Variants in CUX2 observed in about 807,000 individuals in gnomAD.
CUX2 encodes the protein homeobox protein cut-like 2.
CUX2 carries 40 observed loss-of-function variants against 144.8 expected under a neutral mutation model. The observed-to-expected ratio is 0.28, with a 90% confidence interval of 0.21 to 0.36. The LOEUF (loss-of-function observed/expected upper bound fraction) is 0.36, where lower values mean the gene tolerates loss of function less well. Among genes scored for constraint, CUX2 ranks in the 10% least tolerant of loss-of-function variants. The pLI, the probability that CUX2 is intolerant of heterozygous loss-of-function variation, is 1.00. For missense variants in CUX2, 1,615 were observed against 1,994.0 expected, an observed-to-expected ratio of 0.81 and a Z score of 3.62; for synonymous variants, 827 against 875.6, an observed-to-expected ratio of 0.94 and a Z score of 0.98.
chr12:111,267,825 C>T (rs1257786790), intron 4 of CUX2, among the ~76,000 whole-genome samples: 1 of 152,192 alleles, frequency 6.6e-6, no homozygotes, highest in African/African-American at 2.4e-5. Flanking sequence ...TCTCTCTCTC[C>T]TTTTAAAAAA....
chr12:111,306,861 C>A (rs931918135), intron 10 of CUX2, 60 bp from the exon 11 acceptor site: 3 of 1,429,796 alleles, frequency 2.1e-6, no homozygotes, highest in Non-Finnish European at 2.9e-6. Flanking sequence ...GGTGGGGAGG[C>A]CAGACCTGTG....
chr12:111,206,243 C>A (rs2136215767), intron 1 of CUX2, among the ~76,000 whole-genome samples: 1 of 152,266 alleles, frequency 6.6e-6, no homozygotes, highest in Middle Eastern at 3.4e-3. Context: ...GAGAAGGGAG[C>A]ATTGCTTGGG....
chr12:111,184,811 C>T (rs1426828549), intron 1 of CUX2, among the ~76,000 whole-genome samples: 1 of 151,570 alleles, frequency 6.6e-6, no homozygotes, highest in African/African-American at 2.4e-5. Context: ...TGCCTGTAAT[C>T]CCAGCACTGT....
In CUX2 at chr12:111,057,866, C is replaced by T. The variant is rs1236666925; in HGVS notation, c.63+23626C>T. Among the ~76,000 whole-genome samples, 1 of 152,134 alleles carries T rather than the reference C, an allele frequency of 6.6e-6. No individual in the cohort carries two copies. The highest frequency in any genetic ancestry group is 6.5e-5 in the Admixed American group (1 of 15,274). On this transcript the variant is annotated intron_variant, in intron 1 of 21. Coordinates refer to ENST00000261726, the MANE Select transcript of CUX2 (RefSeq NM_015267.4). This position sits in a 1 kb window ranked among gnomAD's most constrained non-coding sequence, Gnocchi z 5.1. Reference sequence around the variant, plus strand: ...TTGAAATGAATTTGATGTCATCTGCCCAGAGTCACTTAATGGGGACGCCTG... The same window carrying T: ...TTGAAATGAATTTGATGTCATCTGCTCAGAGTCACTTAATGGGGACGCCTG...
intron 1 of CUX2, among the ~76,000 whole-genome samples, chr12:111,187,511 A>G (rs975862927): frequency 6.8e-6 from 1 of 147,726 alleles, no homozygotes; most frequent in Non-Finnish European, 1.5e-5. Flanking sequence ...CTCCCTCCCC[A>G]TGTCCACACC....
intron 1 of CUX2, among the ~76,000 whole-genome samples, chr12:111,188,952 C>G (rs1879716655): frequency 6.6e-6 from 1 of 152,154 alleles, no homozygotes; most frequent in African/African-American, 2.4e-5. Flanking sequence ...AGGAAAAAAG[C>G]TGATCCTCCC....
chr12:111,341,145 TG>T (rs1205889062), intron 20 of CUX2, among the ~76,000 whole-genome samples: 2 of 152,146 alleles, frequency 1.3e-5, no homozygotes, highest in African/African-American at 4.8e-5. Context: ...TACAAAACGA[TG>T]AACCAGGCAT....
At chr12:111,107,480 C>T (rs1424844608) in intron 1 of CUX2, among the ~76,000 whole-genome samples, 1 of 152,262 alleles carries the variant, frequency 6.6e-6, no homozygotes, top group Non-Finnish European at 1.5e-5. Context: ...CTTCTGTTGC[C>T]TCAGGGAGTT....
rs143452391 is a variant in CUX2 at position 111,236,700 on chromosome 12, G to A, written c.222+18763G>A. 8.0e-3 allele frequency among the ~76,000 whole-genome samples: 1,218 copies of A among 152,308 alleles called. 9 individuals carry two copies. The highest frequency in any genetic ancestry group is 0.013 in the Non-Finnish European group (913 of 68,036). On this transcript the variant is annotated intron_variant, in intron 3 of 21. Coordinates refer to ENST00000261726, the MANE Select transcript of CUX2 (RefSeq NM_015267.4). ...AAGAAAAAGAAATAAATAATACATC[G>A]AGAGGCAATAGGAATTTTATGTTCA...
intron 9 of CUX2, 42 bp downstream of exon 9, chr12:111,298,631 C>T: frequency 1.3e-6 from 2 of 1,546,834 alleles, no homozygotes; most frequent in South Asian, 2.4e-5. Flanking sequence ...CAGAGGCTCC[C>T]TCTGCCTGGG....
intron 1 of CUX2, among the ~76,000 whole-genome samples, chr12:111,060,098 A>G (rs1870696974): frequency 6.6e-6 from 1 of 152,122 alleles, no homozygotes; most frequent in Non-Finnish European, 1.5e-5. Context: ...AAACCGAATC[A>G]TGACCCCACA....
intron 1 of CUX2, among the ~76,000 whole-genome samples, chr12:111,070,142 C>T (rs949673087): frequency 1.8e-4 from 27 of 152,162 alleles, no homozygotes; most frequent in African/African-American, 6.3e-4. Context: ...CTGAACTGCC[C>T]ACAGCAGCCA....
chr12:111,229,272 G>T (rs1475879963), intron 3 of CUX2, among the ~76,000 whole-genome samples: 1 of 152,182 alleles, frequency 6.6e-6, no homozygotes, highest in Non-Finnish European at 1.5e-5. Context: ...ACCCCCTAGG[G>T]TCATTGCCAG....
Position 111,334,460 on chromosome 12 carries a change from G to A in CUX2, c.2946G>A (p.Arg982=), listed in dbSNP as rs1416443424. The change falls in exon 19 of 22, where the codon AGG becomes AGA. Residue 982 remains arginine, a synonymous_variant. Coordinates refer to ENST00000261726, the MANE Select transcript of CUX2 (RefSeq NM_015267.4). The stretch of plus-strand genomic sequence containing the variant: ...CCACAGCCAGTCCCACAGAACCAAG[G>A]TCCTCACCATCCCCACCCCCCAGCC... ...GASQASPTEP[R]SSPSPPPSPT... is the part of the protein sequence containing the mutation. The A allele has an allele frequency of 1.9e-6, 3 of 1,604,696 alleles. No individual in the cohort carries two copies. The highest frequency in any genetic ancestry group is 1.7e-6 in the Non-Finnish European group (2 of 1,175,230).
At chr12:111,148,628 G>A (rs1375711400) in intron 1 of CUX2, among the ~76,000 whole-genome samples, 1 of 152,170 alleles carries the variant, frequency 6.6e-6, no homozygotes, top group Admixed American at 6.5e-5. Flanking sequence ...ACTAAGTAAT[G>A]CTGCAGTGCG....
intron 3 of CUX2, among the ~76,000 whole-genome samples, chr12:111,221,365 A>G (rs1881850810): frequency 6.6e-6 from 1 of 152,242 alleles, no homozygotes; most frequent in Non-Finnish European, 1.5e-5. Context: ...AAAGCTGCAC[A>G]TGCACAGGCC....
chr12:111,151,807 T>G (rs1877068020), intron 1 of CUX2, among the ~76,000 whole-genome samples: 1 of 152,162 alleles, frequency 6.6e-6, no homozygotes, highest in Non-Finnish European at 1.5e-5. Context: ...AGTCTGATGG[T>G]TCGGGCATCT....
At chr12:111,270,760 T>C (rs1884606695) in intron 4 of CUX2, 1 of 152,174 alleles carries the variant, frequency 6.6e-6, no homozygotes, top group Admixed American at 6.5e-5. Context: ...GCTTTGGTTT[T>C]TACAAATCTG....
chr12:111,109,738 G>A (rs1330398763), intron 1 of CUX2, among the ~76,000 whole-genome samples: 4 of 152,216 alleles, frequency 2.6e-5, no homozygotes, highest in Non-Finnish European at 5.9e-5. Flanking sequence ...GAAGGGGAAA[G>A]GCAATGGCTT....
Sources: allele counts gnomAD v4.1 joint callset (sites outside exome capture counted in the v4.1 genomes callset), GRCh38; gene constraint gnomAD v4.1.1; non-coding constraint Gnocchi (gnomAD v3.1); transcripts MANE v1.5; gene names NCBI Gene and HGNC (gene_info 2026-07-23, HGNC 2026-07-21).